Variants in ADAMTSL1 observed in about 807,000 individuals in gnomAD.
ADAMTSL1 encodes the protein ADAMTS like 1.
ADAMTSL1 carries 126 observed loss-of-function variants against 201.8 expected under a neutral mutation model. The ratio of observed to expected loss-of-function variants is 0.62; its 90% CI spans 0.54 to 0.72. The LOEUF (loss-of-function observed/expected upper bound fraction) is 0.72. Among genes scored for constraint, ADAMTSL1 ranks in the 30% least tolerant of loss-of-function variants. ADAMTSL1 has a pLI of 0.00. For synonymous variants in ADAMTSL1, 1,121 were observed against 903.4 expected (o/e 1.24, Z -4.32); for missense variants, 2,679 against 2,277.8 (o/e 1.18, Z -3.59).
intron 16 of ADAMTSL1, among the ~76,000 whole-genome samples, chr9:18,759,020 G>T (rs1200073025): frequency 6.6e-6 from 1 of 152,158 alleles, no homozygotes; most frequent in Non-Finnish European, 1.5e-5. Context: ...AGGTGCTGAA[G>T]GGTTAAACTG....
intron 7 of ADAMTSL1, 93 bp downstream of exon 7, chr9:18,639,504 T>C: frequency 6.8e-7 from 1 of 1,472,158 alleles, no homozygotes. Flanking sequence ...GGTTCTGACA[T>C]ATGTTTGGAA....
chr9:18,907,794 A>G (rs907964775), intron 28 of ADAMTSL1: 6 of 154,142 alleles, frequency 3.9e-5, no homozygotes, highest in African/African-American at 1.4e-4. Flanking sequence ...GCACATAGTT[A>G]AAACTTACCA....
chr9:18,820,726 C>G (rs1824159345), intron 21 of ADAMTSL1, among the ~76,000 whole-genome samples: 2 of 152,206 alleles, frequency 1.3e-5, no homozygotes, highest in African/African-American at 4.8e-5. Flanking sequence ...CTTCCCAATC[C>G]TGAAGCATCA....
At chr9:17,937,836 C>G (rs952960626) in intron 1 of ADAMTSL1, among the ~76,000 whole-genome samples, 1 of 152,088 alleles carries the variant, frequency 6.6e-6, no homozygotes, top group African/African-American at 2.4e-5. Context: ...ACACATGGAT[C>G]TTGAGGTTTG....
At chr9:18,486,448 A>G (rs1198540873) in intron 1 of ADAMTSL1, among the ~76,000 whole-genome samples, 1 of 152,208 alleles carries the variant, frequency 6.6e-6, no homozygotes, top group Non-Finnish European at 1.5e-5. Context: ...CCACACCTGT[A>G]GTCTCAGCAC....
intron 9 of ADAMTSL1, among the ~76,000 whole-genome samples, chr9:18,666,999 G>A (rs1407884420): frequency 4.1e-5 from 6 of 146,968 alleles, no homozygotes; most frequent in Non-Finnish European, 8.9e-5. Context: ...CTCCAAGGCA[G>A]TAATGAAGGG....
At chr9:18,337,898 C>A (rs1325118379) in intron 2 of ADAMTSL1, among the ~76,000 whole-genome samples, 2 of 152,084 alleles carry the variant, frequency 1.3e-5, no homozygotes, top group Non-Finnish European at 2.9e-5. Flanking sequence ...TTTCTCCCTG[C>A]CAAATGGGAA....
At chr9:18,358,424 A>C (rs1270675581) in intron 2 of ADAMTSL1, among the ~76,000 whole-genome samples, 2 of 152,166 alleles carry the variant, frequency 1.3e-5, no homozygotes, top group Non-Finnish European at 2.9e-5. Flanking sequence ...AAATTTAGTT[A>C]TTTTACGATA....
chr9:18,572,762 A>G (rs1300922885), intron 3 of ADAMTSL1, among the ~76,000 whole-genome samples: 1 of 152,204 alleles, frequency 6.6e-6, no homozygotes, highest in African/African-American at 2.4e-5. Context: ...AAAGGTAAAG[A>G]GATTTTTCAG....
At chr9:18,394,858 G>A (rs1160197686) in intron 2 of ADAMTSL1, among the ~76,000 whole-genome samples, 2 of 152,122 alleles carry the variant, frequency 1.3e-5, no homozygotes, top group African/African-American at 4.8e-5. Flanking sequence ...TTTGCCAAGA[G>A]AAAACTTCCC....
At chr9:18,360,461 C>T (rs1430167979) in intron 2 of ADAMTSL1, 1 of 152,124 alleles carries the variant, frequency 6.6e-6, no homozygotes, top group Non-Finnish European at 1.5e-5. Context: ...CTTCAGTGCC[C>T]TCTTCCATAA....
intron 20 of ADAMTSL1, among the ~76,000 whole-genome samples, chr9:18,810,646 G>A (rs1462305372): frequency 1.3e-5 from 2 of 152,108 alleles, no homozygotes; most frequent in Non-Finnish European, 2.9e-5. Flanking sequence ...ATGATCTCAT[G>A]GGGACCCAAC....
intron 21 of ADAMTSL1, among the ~76,000 whole-genome samples, chr9:18,824,405 G>A (rs1002832159): frequency 4.6e-5 from 7 of 152,188 alleles, no homozygotes; most frequent in South Asian, 2.1e-4. Context: ...CCAGATTAGC[G>A]TGTGCCTCTC....
chr9:18,125,968 C>G (rs579392), intron 1 of ADAMTSL1, among the ~76,000 whole-genome samples: 2 of 152,068 alleles, frequency 1.3e-5, no homozygotes, highest in Admixed American at 1.3e-4. Flanking sequence ...CTGGGACAAA[C>G]TATTCAATTG....
intron 1 of ADAMTSL1, among the ~76,000 whole-genome samples, chr9:17,935,066 T>C (rs1445917457): frequency 6.6e-6 from 1 of 152,146 alleles, no homozygotes; most frequent in East Asian, 1.9e-4. Context: ...TGGATTGTAG[T>C]CAAACTTTCA....
intron 1 of ADAMTSL1, among the ~76,000 whole-genome samples, chr9:18,493,196 T>C (rs979554344): frequency 2.0e-5 from 3 of 152,178 alleles, no homozygotes; most frequent in African/African-American, 7.2e-5. Context: ...TTCTCCCGAG[T>C]CCAAAACTCT....
intron 23 of ADAMTSL1, among the ~76,000 whole-genome samples, chr9:18,844,840 GC>G (rs1466529834): frequency 2.0e-5 from 3 of 152,222 alleles, no homozygotes; most frequent in Admixed American, 6.5e-5. Context: ...GACCCTCCGA[GC>G]CATGTGCGGG....
chr9:18,650,949 A>T (rs1309617807), intron 7 of ADAMTSL1, among the ~76,000 whole-genome samples: 1 of 152,228 alleles, frequency 6.6e-6, no homozygotes, highest in Non-Finnish European at 1.5e-5. Context: ...ATTAAATGAG[A>T]TAATGTATAT....
intron 1 of ADAMTSL1, among the ~76,000 whole-genome samples, chr9:18,049,874 C>T (rs1460992215): frequency 2.0e-5 from 3 of 152,136 alleles, no homozygotes; most frequent in African/African-American, 4.8e-5. Context: ...CTGCCTGCTT[C>T]GGCCTCCCAA....
Sources: allele counts gnomAD v4.1 joint callset (sites outside exome capture counted in the v4.1 genomes callset), GRCh38; gene constraint gnomAD v4.1.1; transcripts MANE v1.5; gene names NCBI Gene and HGNC (gene_info 2026-07-23, HGNC 2026-07-21).